The following ZNF836 variants were observed in gnomAD, a reference collection of about 807,000 sequenced individuals.
ZNF836 encodes the protein zinc finger protein 836.
Under a neutral mutation model 7.4 loss-of-function variants are expected in ZNF836, and 12 were observed. The ratio of observed to expected loss-of-function variants is 1.61; its 90% CI spans 1.03 to 2.61. The LOEUF (loss-of-function observed/expected upper bound fraction) is 2.61. Ranked by LOEUF, ZNF836 falls within the 30% of genes most tolerant of loss-of-function variation. ZNF836 has a pLI of 0.00. For missense variants in ZNF836, 998 were observed against 1,126.2 expected (o/e 0.89, Z 1.63); for synonymous variants, 365 against 382.6 (o/e 0.95, Z 0.54).
At chr19:52,167,966 G>T in intron 3 of ZNF836, 92 bp downstream of exon 3, 2 of 930,774 alleles carry the variant, frequency 2.1e-6, no homozygotes, top group South Asian at 1.4e-5. Flanking sequence ...TGTCAGGCAG[G>T]ATGCTTCAGA....
At chr19:52,170,601 TC>T (rs779200551) in intron 1 of ZNF836, among the ~76,000 whole-genome samples, 72 of 152,130 alleles carry the variant, frequency 4.7e-4, no homozygotes, top group East Asian at 1.5e-3. Context: ...TCTCTGAAGG[TC>T]CCCCTTTTTT....
intron 3 of ZNF836, 150 bp from the exon 4 acceptor site, chr19:52,160,741 T>C: frequency 1.1e-6 from 1 of 920,884 alleles, no homozygotes; most frequent in Non-Finnish European, 1.6e-6. Flanking sequence ...TGTCCCTAAT[T>C]TAAGTTTGTT....
Position 52,157,059 on chromosome 19 carries a change from A to G in ZNF836, c.624T>C (p.Leu208=). ...EFLQLSLPTQ[L]EKTHIREKPY... ...GTTTTTCCCTAATGTGTGTTTTCTCAAGTTGGGTGGGTAATGACAGCTGCA... is the reference window on the plus strand; with the variant it reads ...GTTTTTCCCTAATGTGTGTTTTCTCGAGTTGGGTGGGTAATGACAGCTGCA... The change falls in exon 5 of 5, where the codon CTT becomes CTC. Residue 208 remains leucine, a synonymous_variant. Transcript: ENST00000682614. 1 of 1,613,906 alleles carries G rather than the reference A, an allele frequency of 6.2e-7. No homozygotes were observed.
In ZNF836 at chr19:52,155,542, C is replaced by T; in HGVS notation, c.2141G>A (p.Arg714Lys). 1 of 1,613,956 alleles carries T rather than the reference C, an allele frequency of 6.2e-7. No homozygotes were observed. The highest frequency in any genetic ancestry group is 2.2e-5 in the East Asian group (1 of 44,890). ...IQSSKLARYH[R>K]NPTGEKPHKC... ...GTGTGGTTTCTCCCCAGTAGGATTT[C>T]TGTGATATCTTGCAAGTTTTGAACT... Residue 714 changes from arginine (R) to lysine (K), a missense_variant, in exon 5 of 5, where the codon AGA becomes AAA. Transcript: ENST00000682614.
At chr19:52,163,601 C>T (rs1231913859) in intron 3 of ZNF836, among the ~76,000 whole-genome samples, 7 of 152,120 alleles carry the variant, frequency 4.6e-5, no homozygotes, top group African/African-American at 1.2e-4. Flanking sequence ...GGTGAAACCC[C>T]GTCTCTACTG....
rs746205373 is a variant in ZNF836, at chr19:52,156,789, T to C, written c.894A>G (p.Gly298=). ...ATTCATTACATTTGTACGGTTTCTC[T>C]CCAGTGTGACTTCTCCGGTGATTTA... ...DLVNHRRSHT[G]EKPYKCNECG... Residue 298 remains glycine (G), a synonymous_variant, in exon 5 of 5, where the codon GGA becomes GGG. Coordinates refer to ENST00000682614, the MANE Select transcript of ZNF836 (RefSeq NM_001102657.3). 2 of 1,614,166 alleles carry C rather than the reference T, an allele frequency of 1.2e-6. No individual in the cohort carries two copies. Among genetic ancestry groups the C allele is most frequent in the South Asian group, 2.2e-5 (2 of 91,088 alleles).
At chr19:52,157,640 A>G (rs2089178464) in intron 4 of ZNF836, 100 bp from the exon 5 acceptor site, 1 of 1,170,628 alleles carries the variant, frequency 8.5e-7, no homozygotes, top group Non-Finnish European at 1.1e-6. Flanking sequence ...GCACAATCTC[A>G]GCTCACTGTG....
In ZNF836 at chr19:52,155,100, T is replaced by C. The variant is rs2089139014; in HGVS notation, c.2583A>G (p.Pro861=). The C allele has an allele frequency of 6.2e-7, 1 of 1,614,142 alleles. No individual in the cohort carries two copies. Among genetic ancestry groups the C allele is most frequent in the South Asian group, 1.1e-5 (1 of 91,078 alleles). ...CCTTGCCACATTCAATACATTTGTATGGCTTCTCTCCAGTGTGATTTCTTT... is the reference window on the plus strand; with the variant it reads ...CCTTGCCACATTCAATACATTTGTACGGCTTCTCTCCAGTGTGATTTCTTT... ...YHQRNHTGEK[P]YKCIECGKAF... is the part of the protein sequence containing the mutation. The change falls in exon 5 of 5, where the codon CCA becomes CCG. Residue 861 remains proline, a synonymous_variant. Transcript: ENST00000682614.
intron 1 of ZNF836, among the ~76,000 whole-genome samples, chr19:52,170,562 C>T (rs567288282): frequency 4.2e-4 from 64 of 152,132 alleles, no homozygotes; most frequent in African/African-American, 6.3e-4. Context: ...CCTCCTTTGC[C>T]GCCCCACTCT....
intron 3 of ZNF836, among the ~76,000 whole-genome samples, chr19:52,163,765 G>A (rs1052874536): frequency 3.3e-5 from 5 of 152,062 alleles, no homozygotes; most frequent in South Asian, 4.2e-4. Flanking sequence ...GCAGTAACAC[G>A]GAAAGACACT....
intron 3 of ZNF836, 110 bp from the exon 4 acceptor site, chr19:52,160,701 T>C: frequency 1.5e-6 from 2 of 1,351,752 alleles, no homozygotes; most frequent in Non-Finnish European, 2.0e-6. Flanking sequence ...TTTTCACATA[T>C]CCATGCAAGG....
At chr19:52,163,724 GA>G (rs1335785683) in intron 3 of ZNF836, among the ~76,000 whole-genome samples, 1 of 152,076 alleles carries the variant, frequency 6.6e-6, no homozygotes, top group African/African-American at 2.4e-5. Context: ...GGGCCACTGA[GA>G]AAAAAGAAGA....
At chr19:52,157,628 T>G (rs897545954) in intron 4 of ZNF836, 88 bp from the exon 5 acceptor site, 2 of 1,270,890 alleles carry the variant, frequency 1.6e-6, no homozygotes, top group Non-Finnish European at 2.1e-6. Context: ...TGGAGTGGAG[T>G]GGCACAATCT....
chr19:52,160,404 C>T (rs1453006867), intron 4 of ZNF836, 61 bp downstream of exon 4: 28 of 1,609,578 alleles, frequency 1.7e-5, no homozygotes, highest in Non-Finnish European at 2.4e-5. Flanking sequence ...AGAAAGACAA[C>T]AGAGAAAATA....
At chr19:52,157,902 G>GT (rs763207932) in intron 4 of ZNF836, among the ~76,000 whole-genome samples, 88 of 149,088 alleles carry the variant, frequency 5.9e-4, no homozygotes, top group Non-Finnish European at 1.0e-3. Flanking sequence ...AGTATTATTT[G>GT]TTTTTTTTTA....
chr19:52,170,213 T>A (rs1276052084), intron 1 of ZNF836: 2 of 152,212 alleles, frequency 1.3e-5, no homozygotes, highest in African/African-American at 4.8e-5. Context: ...TCTTTATGTC[T>A]GTTCTGCCCG....
Position 52,160,428 on chromosome 19 carries a change from G to A in ZNF836, c.142+37C>T, listed in dbSNP as rs1393141361. The A allele has an allele frequency of 3.1e-6, 5 of 1,613,654 alleles. No individual in the cohort carries two copies. In the African/African-American group the frequency reaches 6.7e-5, roughly 22 times the overall value. On this transcript the variant is annotated intron_variant, in intron 4 of 4. Transcript: ENST00000682614. ...ACAGAGAAAATACAAAAATACACGA[G>A]GGCAGATCTTAACTTCTAGAGCAAA...
rs1206082666 is a variant in ZNF836 at position 52,156,873 on chromosome 19, C to G, written c.810G>C (p.Arg270Ser). ...ATACACCACATTGATATGGCTTCCCCCTTGTATGGACTATCTGATGTATAG... is the reference window on the plus strand; with the variant it reads ...ATACACCACATTGATATGGCTTCCCGCTTGTATGGACTATCTGATGTATAG... ...LLTIHQIVHTRGKPYQCGVCG... is the reference protein window; with the variant it reads ...LLTIHQIVHTSGKPYQCGVCG... Residue 270 changes from arginine (R) to serine (S), a missense_variant, in exon 5 of 5, where the codon AGG becomes AGC. Coordinates refer to ENST00000682614, the MANE Select transcript of ZNF836 (RefSeq NM_001102657.3). 2 of 1,614,062 alleles carry G rather than the reference C, an allele frequency of 1.2e-6. No individual in the cohort carries two copies. The highest frequency in any genetic ancestry group is 1.1e-5 in the South Asian group (1 of 91,080).
At chr19:52,164,448 A>AGAG (rs2089243212) in intron 3 of ZNF836, among the ~76,000 whole-genome samples, 1 of 122,430 alleles carries the variant, frequency 8.2e-6, no homozygotes, top group Non-Finnish European at 1.8e-5. Context: ...AGAGAGAGAG[A>AGAG]AAAGGAAGGA....
Sources: allele counts gnomAD v4.1 joint callset (sites outside exome capture counted in the v4.1 genomes callset), GRCh38; gene constraint gnomAD v4.1.1; transcripts MANE v1.5; gene names NCBI Gene and HGNC (gene_info 2026-07-23, HGNC 2026-07-21).